PPEF2: variants seen among roughly 807,000 people sequenced by gnomAD.
PPEF2 encodes protein phosphatase with EF-hand domain 2.
Under a neutral mutation model 84.7 loss-of-function variants are expected in PPEF2, and 84 were observed. That is an observed-to-expected ratio of 0.99 (90% CI 0.83 to 1.19). PPEF2 has a LOEUF of 1.19. Ranked by LOEUF, PPEF2 falls within the 50% of genes most tolerant of loss-of-function variation. The pLI is 0.00. For missense variants in PPEF2, 924 were observed against 937.5 expected, an observed-to-expected ratio of 0.99 and a Z score of 0.19; for synonymous variants, 346 against 345.2, an observed-to-expected ratio of 1.00 and a Z score of -0.03.
chr4:75,861,717 C>T (rs1203100374), intron 16 of PPEF2, among the ~76,000 whole-genome samples: 4 of 140,356 alleles, frequency 2.8e-5, no homozygotes, highest in Non-Finnish European at 4.6e-5. Context: ...TCACGCCATT[C>T]TCCTGCCTCA....
At chr4:75,898,198 A>G (rs1165802788) in intron 1 of PPEF2, among the ~76,000 whole-genome samples, 2 of 152,204 alleles carry the variant, frequency 1.3e-5, no homozygotes, top group Non-Finnish European at 2.9e-5. Flanking sequence ...CCCTGCCCTC[A>G]TTCTGGAAAG....
rs1311276510 is a variant in PPEF2, at chr4:75,863,849, G to C, written c.2008+591C>G. ...TGGCTATCTTCGATGGTAATATAAAGGATATCACATCTTTCTTTCTTTCTT... is the reference window on the plus strand; with the variant it reads ...TGGCTATCTTCGATGGTAATATAAACGATATCACATCTTTCTTTCTTTCTT... On this transcript the variant is annotated intron_variant, in intron 16 of 16. Transcript: ENST00000286719. Among the ~76,000 whole-genome samples, 3 of 151,358 alleles carry C rather than the reference G, an allele frequency of 2.0e-5. No individual in the cohort carries two copies. The East Asian group carries it at 5.8e-4, about 29-fold the overall frequency.
intron 10 of PPEF2, among the ~76,000 whole-genome samples, chr4:75,876,909 G>A (rs2149218887): frequency 6.6e-6 from 1 of 151,754 alleles, no homozygotes; most frequent in Non-Finnish European, 1.5e-5. Flanking sequence ...TAGGGAGGCT[G>A]AGGTGGGAGG....
rs34334071 is a variant in PPEF2, at chr4:75,887,620, C to CA, written c.532+593dup. On this transcript the variant is annotated intron_variant, in intron 6 of 16. Coordinates refer to ENST00000286719, the MANE Select transcript of PPEF2 (RefSeq NM_006239.3). ...TGGGCGACAGAGCGGGACTGTGTCT[C>CA]AAAAAAAAAAAAAAAAAAAACTTTA... Among the ~76,000 whole-genome samples, 297 of 123,598 alleles carry CA rather than the reference C, an allele frequency of 2.4e-3. 2 individuals are homozygous for CA. The highest frequency in any genetic ancestry group is 7.7e-3 in the African/African-American group (253 of 32,732). 81.1% of individuals were successfully genotyped at this position (123,598 alleles called of 152,430 possible).
rs570998395 is a variant in PPEF2 at position 75,890,218 on chromosome 4, C to T, written c.242-86G>A. The T allele has an allele frequency of 5.1e-4, 743 of 1,448,904 alleles. 7 individuals are homozygous for T. The South Asian group carries it at 9.0e-3, about 17-fold the overall frequency. The allele number at this position is 1,448,904 out of a possible 1,614,324, so 89.8% of individuals were successfully genotyped here. A position where few individuals can be genotyped will look rare whatever the true frequency, so the allele number is the denominator to read the frequency against. ...CTATAGAATAGTCCTTGGCTGGGCA[C>T]GGTGGCTCTCTAATCCCAGAAATTT... On this transcript the variant is annotated intron_variant, in intron 4 of 16. Coordinates refer to ENST00000286719, the MANE Select transcript of PPEF2 (RefSeq NM_006239.3).
intron 8 of PPEF2, among the ~76,000 whole-genome samples, chr4:75,883,928 G>A (rs1468230870): frequency 7.3e-5 from 11 of 150,888 alleles, no homozygotes; most frequent in Non-Finnish European, 5.9e-5. Context: ...TCAGAAGTTC[G>A]AGACCAGCCT....
At chr4:75,891,582 C>G (rs116138513) in intron 4 of PPEF2, 66 bp downstream of exon 4, 1 of 1,508,370 alleles carries the variant, frequency 6.6e-7, no homozygotes, top group South Asian at 1.3e-5. Context: ...CTGTGCATCC[C>G]CCACCTCACC....
At chr4:75,898,346 CTCCTT>C (rs1314170069) in intron 1 of PPEF2, among the ~76,000 whole-genome samples, 1 of 152,122 alleles carries the variant, frequency 6.6e-6, no homozygotes, top group Non-Finnish European at 1.5e-5. Flanking sequence ...TCTCTCTTCT[CTCCTT>C]TCTTCAAACT....
At chr4:75,896,873 C>T (rs201552833) in intron 1 of PPEF2, among the ~76,000 whole-genome samples, 1 of 139,038 alleles carries the variant, frequency 7.2e-6, no homozygotes, top group Non-Finnish European at 1.6e-5. Context: ...TAGGCCACAC[C>T]TTTCTTTCTT....
intron 1 of PPEF2, among the ~76,000 whole-genome samples, 158 bp downstream of exon 1, chr4:75,902,072 A>G (rs17221100): frequency 0.22 from 33,292 of 152,188 alleles, 4,067 homozygotes; most frequent in Non-Finnish European, 0.28. Context: ...CATCACACAG[A>G]TAGCAAAGAC....
In PPEF2 at chr4:75,873,396, G is replaced by A. The variant is rs747905961; in HGVS notation, c.1321-84C>T. The A allele has an allele frequency of 2.0e-5, 25 of 1,242,632 alleles. No homozygotes were observed. In the Middle Eastern group the frequency reaches 5.9e-4, roughly 29 times the overall value. 77.0% of individuals were successfully genotyped at this position (1,242,632 alleles called of 1,614,324 possible). A position where few individuals can be genotyped will look rare whatever the true frequency, so the allele number is the denominator to read the frequency against. On this transcript the variant is annotated intron_variant, in intron 11 of 16. Coordinates refer to ENST00000286719, the MANE Select transcript of PPEF2 (RefSeq NM_006239.3). The stretch of plus-strand genomic sequence containing the variant: ...CATTCAAATGAAAGGAAGAGGAGGA[G>A]GAAAATATTTGAATAAAAATAAGTG...
At chr4:75,862,103 G>T (rs1415237010) in intron 16 of PPEF2, among the ~76,000 whole-genome samples, 1 of 151,148 alleles carries the variant, frequency 6.6e-6, no homozygotes, top group Non-Finnish European at 1.5e-5. Context: ...GACCAGTCTG[G>T]CCAATATGGT....
intron 10 of PPEF2, chr4:75,882,638 C>T: frequency 4.0e-6 from 1 of 248,024 alleles, no homozygotes. Context: ...GATAAGACTA[C>T]AGGCCCATGC....
intron 12 of PPEF2, 116 bp from the exon 13 acceptor site, chr4:75,872,283 G>T: frequency 1.0e-6 from 1 of 992,330 alleles, no homozygotes; most frequent in Non-Finnish European, 1.4e-6. Context: ...TGCTCATCTG[G>T]GAATCCTTTT....
intron 7 of PPEF2, 36 bp from the exon 8 acceptor site, chr4:75,884,796 G>A: frequency 6.6e-7 from 1 of 1,508,404 alleles, no homozygotes; most frequent in Non-Finnish European, 9.0e-7. Context: ...GAATGAATGG[G>A]AGGAAGGAAA....
intron 6 of PPEF2, among the ~76,000 whole-genome samples, chr4:75,887,465 C>T (rs1176385738): frequency 6.6e-6 from 1 of 151,736 alleles, no homozygotes; most frequent in Admixed American, 6.6e-5. Flanking sequence ...ACTAAAAATA[C>T]AAAAAATTAG....
intron 15 of PPEF2, among the ~76,000 whole-genome samples, chr4:75,865,183 C>G (rs372740545): frequency 6.6e-6 from 1 of 152,064 alleles, no homozygotes; most frequent in Non-Finnish European, 1.5e-5. Context: ...GTGATCTGCC[C>G]GCCTCGGTCT....
intron 12 of PPEF2, 43 bp from the exon 13 acceptor site, chr4:75,872,210 A>C: frequency 1.3e-6 from 2 of 1,588,744 alleles, no homozygotes; most frequent in Non-Finnish European, 1.7e-6. Context: ...CATTCACTGA[A>C]GAAACCTTCA....
Position 75,866,398 on chromosome 4 carries a change from T to C in PPEF2, c.1757-46A>G, listed in dbSNP as rs373755331. 1.6e-5 allele frequency: 26 copies of C among 1,600,906 alleles called. No homozygotes were observed. The Admixed American group carries it at 1.9e-4, about 12-fold the overall frequency. Reference sequence around the variant, plus strand: ...GTTGCCTTGTCACCTAGAAGTCTAGTTTCCTGCCCAATGGTGTGTATATTT... The same window carrying C: ...GTTGCCTTGTCACCTAGAAGTCTAGCTTCCTGCCCAATGGTGTGTATATTT... On this transcript the variant is annotated intron_variant, in intron 14 of 16. Coordinates refer to ENST00000286719, the MANE Select transcript of PPEF2 (RefSeq NM_006239.3).
Sources: gnomAD v4.1 joint callset for allele counts (sites outside exome capture counted in the v4.1 genomes callset) on GRCh38, gnomAD v4.1.1 for gene constraint, MANE v1.5 for transcripts, NCBI Gene and HGNC (gene_info 2026-07-23, HGNC 2026-07-21) for gene names.